Variants in PCDH9 observed in about 807,000 individuals in gnomAD.
PCDH9 encodes the protein protocadherin-9.
A neutral mutation model predicts 70.6 loss-of-function variants in PCDH9; 24 were observed. The ratio of observed to expected loss-of-function variants is 0.34; its 90% CI spans 0.25 to 0.48. The LOEUF (loss-of-function observed/expected upper bound fraction) is 0.48. PCDH9 is among the 20% of genes least tolerant of loss of function. PCDH9 has a pLI of 0.99. For missense variants in PCDH9, 1,281 were observed against 1,503.6 expected (o/e 0.85, Z 2.45); for synonymous variants, 562 against 558.5 (o/e 1.01, Z -0.09).
intron 3 of PCDH9, among the ~76,000 whole-genome samples, chr13:66,818,671 G>A (rs1408803041): frequency 2.0e-5 from 3 of 152,102 alleles, no homozygotes; most frequent in African/African-American, 4.8e-5. Flanking sequence ...GGTGGCTCAC[G>A]CCTGTAGTCC....
intron 2 of PCDH9, among the ~76,000 whole-genome samples, chr13:67,098,990 T>C (rs531368359): frequency 2.0e-5 from 3 of 152,162 alleles, no homozygotes; most frequent in African/African-American, 4.8e-5. Context: ...GGCAATCTTT[T>C]GTAAAGAATG....
chr13:66,679,067 A>ATAATATAC (rs1307841631), intron 3 of PCDH9, among the ~76,000 whole-genome samples: 2 of 151,712 alleles, frequency 1.3e-5, no homozygotes, highest in Admixed American at 1.3e-4. Flanking sequence ...TAAATAATAC[A>ATAATATAC]TAATATACAC....
At chr13:67,029,312 A>G (rs2084857067) in intron 2 of PCDH9, among the ~76,000 whole-genome samples, 1 of 152,184 alleles carries the variant, frequency 6.6e-6, no homozygotes, top group Non-Finnish European at 1.5e-5. Context: ...TATGAGAAAA[A>G]TATAATGGCT....
chr13:66,415,215 C>T (rs1419803535), intron 4 of PCDH9, among the ~76,000 whole-genome samples: 6 of 152,068 alleles, frequency 3.9e-5, no homozygotes, highest in African/African-American at 1.4e-4. Flanking sequence ...CCAATATTTT[C>T]CTCACCTTCC....
At chr13:66,334,193 C>T (rs1256188209) in intron 4 of PCDH9, among the ~76,000 whole-genome samples, 2 of 151,992 alleles carry the variant, frequency 1.3e-5, no homozygotes, top group Non-Finnish European at 2.9e-5. Context: ...ATCCCTCCAC[C>T]CCACTACCCT....
intron 2 of PCDH9, among the ~76,000 whole-genome samples, chr13:67,159,860 C>T (rs1257068725): frequency 5.3e-5 from 8 of 152,148 alleles, no homozygotes; most frequent in Non-Finnish European, 1.2e-4. Context: ...AACTATGTAG[C>T]CAAATACGTA....
At chr13:66,360,262 A>G (rs1956447492) in intron 4 of PCDH9, among the ~76,000 whole-genome samples, 1 of 152,084 alleles carries the variant, frequency 6.6e-6, no homozygotes, top group Admixed American at 6.6e-5. Context: ...TAGTTTTGCA[A>G]AAAGTTGACG....
intron 3 of PCDH9, among the ~76,000 whole-genome samples, chr13:66,675,335 G>A (rs951537387): frequency 5.3e-5 from 8 of 151,874 alleles, no homozygotes; most frequent in South Asian, 2.1e-4. Flanking sequence ...TCACTGTCAC[G>A]CAATTTAAAA....
rs61959227 is a variant in PCDH9 at position 66,966,153 on chromosome 13, A to G, written c.3037-62548T>C. 5.5e-4 allele frequency among the ~76,000 whole-genome samples: 83 copies of G among 152,266 alleles called. 1 individual carries two copies. The highest frequency in any genetic ancestry group is 1.0e-3 in the Non-Finnish European group (70 of 68,016). ...TTTTAAGCCAGGGAAGGCCTGGTTCATCTCCCACCTCAGCAACTCAGTACA... is the reference window on the plus strand; with the variant it reads ...TTTTAAGCCAGGGAAGGCCTGGTTCGTCTCCCACCTCAGCAACTCAGTACA... On this transcript the variant is annotated intron_variant, in intron 2 of 4. Coordinates refer to ENST00000377865, the MANE Select transcript of PCDH9 (RefSeq NM_203487.3).
chr13:66,545,931 C>T (rs1021580044), intron 4 of PCDH9, among the ~76,000 whole-genome samples: 9 of 151,500 alleles, frequency 5.9e-5, no homozygotes, highest in East Asian at 3.9e-4. Context: ...CTCCACTTCC[C>T]GGGTTCATGC....
chr13:67,056,869 A>T (rs1167828849), intron 2 of PCDH9, among the ~76,000 whole-genome samples: 1 of 152,154 alleles, frequency 6.6e-6, no homozygotes, highest in Non-Finnish European at 1.5e-5. Context: ...GGATAGATTC[A>T]ACTCAAACTT....
chr13:66,370,538 T>G (rs1956630208), intron 4 of PCDH9, among the ~76,000 whole-genome samples: 1 of 149,252 alleles, frequency 6.7e-6, no homozygotes, highest in South Asian at 2.1e-4. Flanking sequence ...TGAGACAGGG[T>G]TTCCTTCTGT....
intron 3 of PCDH9, among the ~76,000 whole-genome samples, chr13:66,727,805 T>C (rs2079024945): frequency 6.6e-6 from 1 of 152,070 alleles, no homozygotes; most frequent in African/African-American, 2.4e-5. Flanking sequence ...CTATGTTTCA[T>C]TTTTTCCAGT....
chr13:66,394,571 T>C (rs1334395), intron 4 of PCDH9, among the ~76,000 whole-genome samples: 17,110 of 152,168 alleles, frequency 0.11, 1,304 homozygotes, highest in African/African-American at 0.22. Context: ...CATATTTCAA[T>C]TTAATGTTCT....
intron 2 of PCDH9, among the ~76,000 whole-genome samples, chr13:67,020,674 C>T (rs575839911): frequency 6.6e-6 from 1 of 152,294 alleles, no homozygotes; most frequent in South Asian, 2.1e-4. Flanking sequence ...ATGTAGATTT[C>T]AGTCAATAAA....
chr13:67,051,902 G>A (rs1195066209), intron 2 of PCDH9, among the ~76,000 whole-genome samples: 1 of 152,112 alleles, frequency 6.6e-6, no homozygotes, highest in Admixed American at 6.5e-5. Context: ...GAAATATTCG[G>A]ATAATAGCCA....
chr13:66,776,722 T>G (rs1156796575), intron 3 of PCDH9, among the ~76,000 whole-genome samples: 1 of 151,858 alleles, frequency 6.6e-6, no homozygotes. Context: ...ATTTACAGAT[T>G]CAATGCCATC....
At chr13:66,316,043 T>C (rs925284210) in intron 4 of PCDH9, among the ~76,000 whole-genome samples, 1 of 152,190 alleles carries the variant, frequency 6.6e-6, no homozygotes, top group African/African-American at 2.4e-5. Context: ...TCCTTTCCTT[T>C]TATTCAGATT....
At chr13:66,980,730 G>GTTTTTTTTTTTTTTTTTTTTTTTTTATT in intron 2 of PCDH9, among the ~76,000 whole-genome samples, 1 of 70,872 alleles carries the variant, frequency 1.4e-5, no homozygotes, top group Non-Finnish European at 2.7e-5. Context: ...TTTTTTCTTT[G>GTTTTTTTTTTTTTTTTTTTTTTTTTATT]TTTTTTTTTT....
Sources: allele counts gnomAD v4.1 joint callset (sites outside exome capture counted in the v4.1 genomes callset), GRCh38; gene constraint gnomAD v4.1.1; transcripts MANE v1.5; gene names NCBI Gene and HGNC (gene_info 2026-07-23, HGNC 2026-07-21).